The following SPOCK1 variants were observed in gnomAD, a reference collection of about 807,000 sequenced individuals.
The protein encoded by SPOCK1 is SPARC (osteonectin), cwcv and kazal like domains proteoglycan 1, also known as testican-1.
Under a neutral mutation model 55.3 loss-of-function variants are expected in SPOCK1, and 23 were observed. The observed-to-expected ratio is 0.42, with a 90% CI of 0.30 to 0.59. The LOEUF is 0.59. Among genes scored for constraint, SPOCK1 ranks in the 20% least tolerant of loss-of-function variants. The probability of loss-of-function intolerance (pLI) is 0.22; values close to 1 mark genes in which losing one functional copy is unlikely to be tolerated. For synonymous variants in SPOCK1, 226 were observed against 221.0 expected, an observed-to-expected ratio of 1.02 and a Z score of -0.20; for missense variants, 499 against 552.5, an observed-to-expected ratio of 0.90 and a Z score of 0.97.
chr5:137,069,658 A>G (rs2127007218), intron 5 of SPOCK1, among the ~76,000 whole-genome samples: 1 of 152,230 alleles, frequency 6.6e-6, no homozygotes, highest in East Asian at 1.9e-4. Context: ...TTCATTCAGC[A>G]CAGCGTGTGT....
intron 2 of SPOCK1, among the ~76,000 whole-genome samples, chr5:137,326,895 T>G (rs1243671563): frequency 6.6e-6 from 1 of 152,252 alleles, no homozygotes; most frequent in African/African-American, 2.4e-5. Context: ...TCTCTCAGGA[T>G]GTCCTCAAGT....
chr5:137,401,350 G>C (rs1383100642), intron 2 of SPOCK1, among the ~76,000 whole-genome samples: 1 of 152,116 alleles, frequency 6.6e-6, no homozygotes, highest in Non-Finnish European at 1.5e-5. Context: ...TCATGTGCTA[G>C]TTTTATATGC....
intron 3 of SPOCK1, among the ~76,000 whole-genome samples, chr5:137,198,151 TA>T (rs1275709043): frequency 6.6e-6 from 1 of 152,238 alleles, no homozygotes; most frequent in Non-Finnish European, 1.5e-5. Context: ...AAAACAAATG[TA>T]AAAAAGTTTC....
At chr5:137,287,240 C>T (rs147893386) in intron 2 of SPOCK1, among the ~76,000 whole-genome samples, 101 of 152,302 alleles carry the variant, frequency 6.6e-4, no homozygotes, top group African/African-American at 2.4e-3. Flanking sequence ...AGAAGACAGC[C>T]GGGGTCCAGT....
chr5:137,015,950 T>C (rs560097182), intron 6 of SPOCK1, among the ~76,000 whole-genome samples: 5 of 152,110 alleles, frequency 3.3e-5, no homozygotes, highest in East Asian at 3.9e-4. Flanking sequence ...CGTAGAGAAG[T>C]GTGGAGGAAA....
intron 6 of SPOCK1, among the ~76,000 whole-genome samples, chr5:137,022,411 T>C: frequency 6.6e-6 from 1 of 152,156 alleles, no homozygotes; most frequent in Non-Finnish European, 1.5e-5. Context: ...ACCACCCCAG[T>C]TGACCTGAAG....
chr5:137,487,333 CAA>C (rs11330611), intron 2 of SPOCK1, among the ~76,000 whole-genome samples: 33 of 53,302 alleles, frequency 6.2e-4, no homozygotes, highest in African/African-American at 1.7e-3. Flanking sequence ...TCTGATCTTT[CAA>C]AAAAAAAAAA....
intron 2 of SPOCK1, among the ~76,000 whole-genome samples, chr5:137,397,431 C>A (rs973593731): frequency 1.3e-5 from 2 of 152,184 alleles, no homozygotes; most frequent in Non-Finnish European, 2.9e-5. Flanking sequence ...ACCTTCCTAA[C>A]TGGATCATAA....
rs1304410266 is a variant in SPOCK1 at position 137,249,817 on chromosome 5, C to G, written c.232+17193G>C. 3.9e-5 allele frequency among the ~76,000 whole-genome samples: 6 copies of G among 152,102 alleles called. No homozygotes were observed. The East Asian group carries it at 1.2e-3, about 29-fold the overall frequency. On this transcript the variant is annotated intron_variant, in intron 3 of 10. Coordinates refer to ENST00000394945, the MANE Select transcript of SPOCK1 (RefSeq NM_004598.4). Reference sequence around the variant, plus strand: ...ATTAGACATTCCTTGAAAAATTTGACAATCTTCAAGATAAAGGCAAGTAGT... The same window carrying G: ...ATTAGACATTCCTTGAAAAATTTGAGAATCTTCAAGATAAAGGCAAGTAGT...
chr5:137,090,669 T>C (rs1035362637), intron 5 of SPOCK1, among the ~76,000 whole-genome samples: 3 of 152,216 alleles, frequency 2.0e-5, no homozygotes, highest in Non-Finnish European at 4.4e-5. Flanking sequence ...GATGTAAAGT[T>C]GTATCCCTGA....
intron 3 of SPOCK1, among the ~76,000 whole-genome samples, chr5:137,160,607 AATATATAATATATATT>A (rs1561631797): frequency 3.1e-5 from 2 of 63,530 alleles, no homozygotes; most frequent in African/African-American, 1.3e-4. Flanking sequence ...TATTATATAT[AATATATAATATATATT>A]TTATATAATA....
chr5:137,293,089 ATTTTTTTTTTTTTTT>A (rs531537488), intron 2 of SPOCK1, among the ~76,000 whole-genome samples: 161 of 100,814 alleles, frequency 1.6e-3, no homozygotes, highest in East Asian at 6.9e-3. Flanking sequence ...GGTTTGTTGA[ATTTTTTTTTTTTTTT>A]TTTTTTTTTT....
intron 2 of SPOCK1, among the ~76,000 whole-genome samples, chr5:137,373,298 A>G (rs182008336): frequency 6.6e-6 from 1 of 152,312 alleles, no homozygotes; most frequent in East Asian, 1.9e-4. Flanking sequence ...AAGCCTCCAT[A>G]AGATTAACAT....
At chr5:137,261,536 C>A (rs780203511) in intron 3 of SPOCK1, among the ~76,000 whole-genome samples, 1 of 152,244 alleles carries the variant, frequency 6.6e-6, no homozygotes, top group South Asian at 2.1e-4. Flanking sequence ...CTTCTATTCA[C>A]GAGAACAGCA....
At chr5:137,150,223 G>A (rs140737666) in intron 3 of SPOCK1, among the ~76,000 whole-genome samples, 3 of 152,208 alleles carry the variant, frequency 2.0e-5, no homozygotes, top group Admixed American at 1.3e-4. Flanking sequence ...ACTTTGTCCC[G>A]AAAACTTCTG....
chr5:137,433,917 C>A (rs1752801984), intron 2 of SPOCK1, among the ~76,000 whole-genome samples: 1 of 152,104 alleles, frequency 6.6e-6, no homozygotes, highest in South Asian at 2.1e-4. Flanking sequence ...AATTGAGTAC[C>A]ATTTTAAGGA....
intron 2 of SPOCK1, chr5:137,364,853 T>G (rs1751022818): frequency 6.6e-6 from 1 of 152,230 alleles, no homozygotes; most frequent in Middle Eastern, 3.2e-3. Context: ...TAAAGGTTCC[T>G]CATTTGTAAA....
At chr5:137,308,510 T>C in intron 2 of SPOCK1, among the ~76,000 whole-genome samples, 1 of 152,198 alleles carries the variant, frequency 6.6e-6, no homozygotes, top group East Asian at 1.9e-4. Flanking sequence ...AGCAGTGCCA[T>C]GCATCTCTTC....
In SPOCK1 at chr5:137,372,905, C is replaced by T. The variant is rs1222868477; in HGVS notation, c.187-105850G>A. On this transcript the variant is annotated intron_variant, in intron 2 of 10. Coordinates refer to ENST00000394945, the MANE Select transcript of SPOCK1 (RefSeq NM_004598.4). ...ATGTAGAAATGATAGCAGAGAGGAACTCTTTGCAGCTACAGTTTGTGGTAT... is the reference window on the plus strand; with the variant it reads ...ATGTAGAAATGATAGCAGAGAGGAATTCTTTGCAGCTACAGTTTGTGGTAT... 2.0e-5 allele frequency among the ~76,000 whole-genome samples: 3 copies of T among 152,228 alleles called. No homozygotes were observed. The East Asian group carries it at 5.8e-4, about 29-fold the overall frequency.
Sources: allele counts gnomAD v4.1 joint callset (sites outside exome capture counted in the v4.1 genomes callset), GRCh38; gene constraint gnomAD v4.1.1; transcripts MANE v1.5; gene names NCBI Gene and HGNC (gene_info 2026-07-23, HGNC 2026-07-21).